SP3: variants seen among roughly 807,000 people sequenced by gnomAD.
The protein encoded by SP3 is transcription factor Sp3.
A neutral mutation model predicts 70.3 loss-of-function variants in SP3; 10 were observed. The ratio of observed to expected loss-of-function variants is 0.14; its 90% CI spans 0.09 to 0.24. The LOEUF is 0.24. Ranked by LOEUF, SP3 falls within the 10% of genes least tolerant of loss-of-function variation. The pLI, the probability that SP3 is intolerant of heterozygous loss-of-function variation, is 1.00. For missense variants in SP3, 825 were observed against 914.6 expected (o/e 0.90, Z 1.26); for synonymous variants, 402 against 333.5 (o/e 1.21, Z -2.24).
intron 3 of SP3, chr2:173,962,985 G>GT (rs1691134429): frequency 6.6e-6 from 1 of 152,158 alleles, no homozygotes; most frequent in Admixed American, 6.5e-5. Context: ...ACTAGCAGTC[G>GT]TAATAAAATG....
At position 173,905,508 on chromosome 2, in the gene SP3, G is replaced by T. The variant is rs1689287431; in HGVS notation, c.*4433C>A. Among the ~76,000 whole-genome samples, 1 of 152,156 alleles carries T rather than the reference G, an allele frequency of 6.6e-6. No homozygotes were observed. ...TGAAAAATGGGGAAAAGGACTGAAGGAGATAGGCCTTCTCAGGATATCATT... is the reference window on the plus strand; with the variant it reads ...TGAAAAATGGGGAAAAGGACTGAAGTAGATAGGCCTTCTCAGGATATCATT... On this transcript the variant is annotated 3_prime_UTR_variant, in exon 7 of 7. Transcript: ENST00000310015.
At chr2:173,961,263 C>T (rs1313822744) in intron 3 of SP3, among the ~76,000 whole-genome samples, 1 of 152,142 alleles carries the variant, frequency 6.6e-6, no homozygotes, top group East Asian at 1.9e-4. Context: ...AACCAAACAC[C>T]CTTGGCTAGG....
At position 173,906,137 on chromosome 2, in the gene SP3, ACT is replaced by A. The variant is rs1689314165; in HGVS notation, c.*3802_*3803del. ...GGCAGCCCCTCTTAAAAATTTTTCCACTCTGTCCCTCACAAAGTCCCCCATCA... is the reference window on the plus strand; with the variant it reads ...GGCAGCCCCTCTTAAAAATTTTTCCACTGTCCCTCACAAAGTCCCCCATCA... On this transcript the variant is annotated 3_prime_UTR_variant, in exon 7 of 7. Transcript: ENST00000310015. Among the ~76,000 whole-genome samples the A allele has an allele frequency of 6.6e-6, 1 of 151,744 alleles. No individual in the cohort carries two copies. The highest frequency in any genetic ancestry group is 1.5e-5 in the Non-Finnish European group (1 of 67,964).
intron 4 of SP3, among the ~76,000 whole-genome samples, chr2:173,938,733 G>A (rs1302446490): frequency 6.6e-6 from 1 of 152,116 alleles, no homozygotes. Flanking sequence ...GCGGGATAAG[G>A]CAGTATCTGG....
intron 3 of SP3, chr2:173,963,433 G>GA (rs1350018687): frequency 6.6e-6 from 1 of 152,398 alleles, no homozygotes; most frequent in Non-Finnish European, 1.5e-5. Flanking sequence ...GGCTGTGCTT[G>GA]AAAATTTTGT....
chr2:173,953,023 G>A (rs1384733683), intron 4 of SP3, among the ~76,000 whole-genome samples: 1 of 152,226 alleles, frequency 6.6e-6, no homozygotes, highest in African/African-American at 2.4e-5. Context: ...ATTGTATAAA[G>A]AGTGAGTTTT....
intron 3 of SP3, among the ~76,000 whole-genome samples, chr2:173,961,148 G>A (rs1691060389): frequency 6.6e-6 from 1 of 152,126 alleles, no homozygotes; most frequent in African/African-American, 2.4e-5. Context: ...CACAACTTAA[G>A]TACAAAGGAG....
Position 173,909,851 on chromosome 2 carries a change from A to G in SP3, c.*90T>C. 1.5e-6 allele frequency: 2 copies of G among 1,343,498 alleles called. No homozygotes were observed. The highest frequency in any genetic ancestry group is 2.0e-6 in the Non-Finnish European group (2 of 986,410). 83.2% of individuals were successfully genotyped at this position (1,343,498 alleles called of 1,614,324 possible). On this transcript the variant is annotated 3_prime_UTR_variant, in exon 7 of 7. Coordinates refer to ENST00000310015, the MANE Select transcript of SP3 (RefSeq NM_003111.5). ...ACTGTCAATCCAAAAATTTTTGCAC[A>G]TCAATAAAAAGATATCTAAGAACTT...
intron 4 of SP3, among the ~76,000 whole-genome samples, chr2:173,920,379 C>T (rs1399445097): frequency 6.6e-6 from 1 of 152,054 alleles, no homozygotes; most frequent in Non-Finnish European, 1.5e-5. Context: ...TTTGTTCAAA[C>T]TTACAGAATG....
Position 173,902,902 on chromosome 2 carries a change from CTG to C in SP3, c.*7037_*7038del, listed in dbSNP as rs140997342. 3.4e-3 allele frequency among the ~76,000 whole-genome samples: 520 copies of C among 152,240 alleles called. No homozygotes were observed. Among genetic ancestry groups the C allele is most frequent in the Non-Finnish European group, 5.6e-3 (379 of 68,010 alleles). ...AGGGCTATACAGATTTCAGGCACAA[CTG>C]TGATCATTCCTTTCTAAAAGAAAAA... On this transcript the variant is annotated 3_prime_UTR_variant, in exon 7 of 7. Coordinates refer to ENST00000310015, the MANE Select transcript of SP3 (RefSeq NM_003111.5).
chr2:173,963,588 G>A (rs1476933232), intron 3 of SP3, among the ~76,000 whole-genome samples, 173 bp downstream of exon 3: 3 of 152,262 alleles, frequency 2.0e-5, no homozygotes, highest in African/African-American at 4.8e-5. Context: ...GCCTGGGCTG[G>A]CTTCAGATCC....
intron 3 of SP3, among the ~76,000 whole-genome samples, chr2:173,957,104 A>G (rs1690919690): frequency 6.6e-6 from 1 of 152,200 alleles, no homozygotes. Context: ...GATAAACAAA[A>G]AAATCTTAAG....
rs1300318110 is a variant in SP3 at position 173,965,358 on chromosome 2, G to T, written c.-187C>A. 1.1e-5 allele frequency: 7 copies of T among 647,986 alleles called. No individual in the cohort carries two copies. The highest frequency in any genetic ancestry group is 4.1e-5 in the South Asian group (2 of 49,358). The allele number at this position is 647,986 out of a possible 1,614,324, so 40.1% of individuals were successfully genotyped here. On this transcript the variant is annotated 5_prime_UTR_variant, in exon 1 of 7. Coordinates refer to ENST00000310015, the MANE Select transcript of SP3 (RefSeq NM_003111.5). ...AAAGGTGGAGCCTCCAGCCCAAAAG[G>T]GGGGAAGAGGGTGACAGCCCGCCCG...
At position 173,918,665 on chromosome 2, in the gene SP3, T is replaced by C; in HGVS notation, c.1760A>G (p.Gln587Arg). Residue 587 changes from glutamine to arginine, a missense_variant, in exon 5 of 7, where the codon CAA (glutamine) becomes CGA (arginine). Physicochemically the swap from Gln to Arg is conservative, Grantham distance 43 (BLOSUM62 1). Transcript: ENST00000310015. ...RVQVVDEEGDQQHQEGKRLRR... is the reference protein window; with the variant it reads ...RVQVVDEEGDRQHQEGKRLRR... ...AAGTCTTTTTCCTTCTTGATGTTGT[T>C]GGTCCCCTTCTTCATCTACCACCTG... The C allele has an allele frequency of 6.2e-7, 1 of 1,613,944 alleles. No homozygotes were observed. The highest frequency in any genetic ancestry group is 8.5e-7 in the Non-Finnish European group (1 of 1,179,864).
At chr2:173,941,223 A>C (rs1435079758) in intron 4 of SP3, among the ~76,000 whole-genome samples, 1 of 151,942 alleles carries the variant, frequency 6.6e-6, no homozygotes, top group Non-Finnish European at 1.5e-5. Flanking sequence ...CAGCACTCTT[A>C]ATGAAACCAC....
chr2:173,933,958 T>C (rs987733451), intron 4 of SP3, among the ~76,000 whole-genome samples: 3 of 138,738 alleles, frequency 2.2e-5, no homozygotes, highest in African/African-American at 5.5e-5. Flanking sequence ...AAGAGTTGGA[T>C]GTGGTGGTGT....
chr2:173,938,410 G>A (rs1413593931), intron 4 of SP3, among the ~76,000 whole-genome samples: 1 of 132,820 alleles, frequency 7.5e-6, no homozygotes, highest in Admixed American at 8.8e-5. Flanking sequence ...AGTGAGCCGA[G>A]ATAGTGCCAT....
chr2:173,930,021 G>T (rs919185242), intron 4 of SP3, among the ~76,000 whole-genome samples: 2 of 152,136 alleles, frequency 1.3e-5, no homozygotes, highest in African/African-American at 4.8e-5. Flanking sequence ...ATGAGACAGT[G>T]TGTCTATTTC....
intron 2 of SP3, 143 bp from the exon 3 acceptor site, chr2:173,964,026 C>T: frequency 2.5e-6 from 1 of 405,958 alleles, no homozygotes. Flanking sequence ...CCTCCTCCTC[C>T]TCCTCCTCCT....
Sources: allele counts gnomAD v4.1 joint callset (sites outside exome capture counted in the v4.1 genomes callset), GRCh38; gene constraint gnomAD v4.1.1; transcripts MANE v1.5; gene names NCBI Gene and HGNC (gene_info 2026-07-23, HGNC 2026-07-21).